SLC2A14: variants seen among roughly 807,000 people sequenced by gnomAD.
The protein encoded by SLC2A14 is solute carrier family 2 member 14, also known as solute carrier family 2, facilitated glucose transporter member 14.
Under a neutral mutation model 43.0 loss-of-function variants are expected in SLC2A14, and 13 were observed. The ratio of observed to expected loss-of-function variants is 0.30; its 90% CI spans 0.20 to 0.48. The LOEUF is 0.48. Ranked by LOEUF, SLC2A14 falls within the 20% of genes least tolerant of loss-of-function variation. The probability of loss-of-function intolerance (pLI) is 0.99; values close to 1 mark genes in which losing one functional copy is unlikely to be tolerated. For missense variants in SLC2A14, 428 were observed against 620.4 expected, an observed-to-expected ratio of 0.69 and a Z score of 3.29; for synonymous variants, 190 against 233.8, an observed-to-expected ratio of 0.81 and a Z score of 1.71.
At chr12:7,821,740 A>T (rs1290346455) in intron 7 of SLC2A14, among the ~76,000 whole-genome samples, 2 of 151,656 alleles carry the variant, frequency 1.3e-5, no homozygotes, top group African/African-American at 4.8e-5. Flanking sequence ...TTTTTGACGG[A>T]GTCTCAATCT....
chr12:7,884,211 C>T (rs530218980), intron 1 of SLC2A14, among the ~76,000 whole-genome samples: 28 of 152,222 alleles, frequency 1.8e-4, no homozygotes, highest in African/African-American at 5.8e-4. Context: ...TGAGCCACCG[C>T]GCCCAGCCTG....
At chr12:7,836,976 G>A (rs1038502384) in intron 2 of SLC2A14, among the ~76,000 whole-genome samples, 2 of 151,762 alleles carry the variant, frequency 1.3e-5, no homozygotes, top group Non-Finnish European at 1.5e-5. Context: ...AGACCAGCCG[G>A]GCCAATATAG....
At chr12:7,871,768 T>C in intron 1 of SLC2A14, 1 of 327,578 alleles carries the variant, frequency 3.1e-6, no homozygotes, top group Non-Finnish European at 4.4e-6. Context: ...CAATACCATT[T>C]CACATGCATC....
At chr12:7,887,604 GA>G (rs1451606811) in intron 1 of SLC2A14, among the ~76,000 whole-genome samples, 5 of 121,952 alleles carry the variant, frequency 4.1e-5, no homozygotes, top group Middle Eastern at 3.7e-3. Flanking sequence ...TAGATAGATA[GA>G]TAGATAGTTA....
At chr12:7,887,592 G>C (rs1565592481) in intron 1 of SLC2A14, among the ~76,000 whole-genome samples, 7 of 149,780 alleles carry the variant, frequency 4.7e-5, no homozygotes, top group Admixed American at 6.7e-5. Context: ...TAGATAGATA[G>C]ATAGATAGAT....
intron 2 of SLC2A14, among the ~76,000 whole-genome samples, chr12:7,833,697 G>A (rs763780087): frequency 2.0e-5 from 3 of 151,578 alleles, no homozygotes; most frequent in African/African-American, 4.9e-5. Context: ...CAGGAGGATC[G>A]CTTGACCCTG....
At chr12:7,871,029 G>A in intron 1 of SLC2A14, 1 of 1,431,730 alleles carries the variant, frequency 7.0e-7, no homozygotes, top group Non-Finnish European at 9.4e-7. Flanking sequence ...ACGACAAGCT[G>A]GCTTCACCGC....
intron 1 of SLC2A14, among the ~76,000 whole-genome samples, chr12:7,879,678 C>G (rs1007935214): frequency 1.3e-5 from 2 of 151,726 alleles, no homozygotes; most frequent in Admixed American, 6.6e-5. Context: ...GAGTGAAACT[C>G]TGTCTCAAAA....
chr12:7,875,067 A>T (rs1247136091), upstream of SLC2A14, among the ~76,000 whole-genome samples: 599 of 122,608 alleles, frequency 4.9e-3, 9 homozygotes, highest in African/African-American at 0.019. Flanking sequence ...ATTATATATT[A>T]AATATTATAT....
intron 2 of SLC2A14, among the ~76,000 whole-genome samples, chr12:7,855,226 T>A (rs1434704148): frequency 6.6e-6 from 1 of 152,138 alleles, no homozygotes; most frequent in Non-Finnish European, 1.5e-5. Context: ...CATCTTTACA[T>A]CCTCTTAAGA....
intron 3 of SLC2A14, among the ~76,000 whole-genome samples, chr12:7,832,154 T>C (rs1328642396): frequency 6.6e-6 from 1 of 152,164 alleles, no homozygotes; most frequent in Non-Finnish European, 1.5e-5. Flanking sequence ...ATTTCCTCCC[T>C]AGAGAATCAA....
At chr12:7,886,513 C>A (rs1219694994) in intron 1 of SLC2A14, among the ~76,000 whole-genome samples, 2 of 151,810 alleles carry the variant, frequency 1.3e-5, no homozygotes, top group Non-Finnish European at 1.5e-5. Flanking sequence ...TAAAATTTTT[C>A]ATAATAAAAA....
At chr12:7,856,520 C>G (rs1258846774) in intron 2 of SLC2A14, 1 of 152,218 alleles carries the variant, frequency 6.6e-6, no homozygotes, top group Non-Finnish European at 1.5e-5. Context: ...CTTTTCGCTA[C>G]TTTCTTCTAC....
chr12:7,842,648 C>T (rs1366324519), intron 2 of SLC2A14, among the ~76,000 whole-genome samples: 2 of 151,902 alleles, frequency 1.3e-5, no homozygotes, highest in South Asian at 2.1e-4. Flanking sequence ...CCACCCCCCT[C>T]CCCCCACTCA....
chr12:7,874,818 A>G (rs1396692314), upstream of SLC2A14, among the ~76,000 whole-genome samples: 21,697 of 123,018 alleles, frequency 0.18, 3,438 homozygotes, highest in East Asian at 0.35. Flanking sequence ...ATACGTATTT[A>G]TATATAAATT....
intron 1 of SLC2A14, among the ~76,000 whole-genome samples, chr12:7,886,148 C>CA (rs1945684707): frequency 1.1e-5 from 1 of 91,032 alleles, no homozygotes; most frequent in Admixed American, 1.6e-4. Context: ...CACGCCCGGA[C>CA]AGCTTTTTTT....
intron 2 of SLC2A14, among the ~76,000 whole-genome samples, chr12:7,857,637 T>C (rs1944326694): frequency 6.6e-6 from 1 of 152,082 alleles, no homozygotes; most frequent in Admixed American, 6.6e-5. Flanking sequence ...AATTAAATAG[T>C]TCTCTTGATC....
Position 7,826,930 on chromosome 12 carries a change from CCTTTCCTTTCCTTT to C in SLC2A14, c.864+551_864+564del, listed in dbSNP as rs1864485456. Among the ~76,000 whole-genome samples, 9 of 64,024 alleles carry C rather than the reference CCTTTCCTTTCCTTT, an allele frequency of 1.4e-4. 1 individual carries two copies. Among genetic ancestry groups the C allele is most frequent in the Non-Finnish European group, 3.1e-4 (8 of 25,436 alleles). 42.0% of individuals were successfully genotyped at this position (64,024 alleles called of 152,430 possible). A position where few individuals can be genotyped will look rare whatever the true frequency, so the allele number is the denominator to read the frequency against. On this transcript the variant is annotated intron_variant, in intron 7 of 10. Transcript: ENST00000431042. ...CTTTCTTTCTTTTTCCTTTTTCTTT[CCTTTCCTTTCCTTT>C]CTTTCCTTTCTTCTCTCTCTTTCTC...
intron 2 of SLC2A14, among the ~76,000 whole-genome samples, chr12:7,850,132 G>A (rs780251007): frequency 2.0e-5 from 3 of 151,928 alleles, no homozygotes; most frequent in Non-Finnish European, 2.9e-5. Context: ...TTGGAAGATG[G>A]GTAGACTAAG....
Sources: allele counts gnomAD v4.1 joint callset (sites outside exome capture counted in the v4.1 genomes callset), GRCh38; gene constraint gnomAD v4.1.1; transcripts MANE v1.5; gene names NCBI Gene and HGNC (gene_info 2026-07-23, HGNC 2026-07-21).